SPATA13: variants seen among roughly 807,000 people sequenced by gnomAD.
SPATA13 encodes the protein spermatogenesis associated 13.
Under a neutral mutation model 104.0 loss-of-function variants are expected in SPATA13, and 50 were observed. The ratio of observed to expected loss-of-function variants is 0.48; its 90% CI spans 0.38 to 0.61. SPATA13 has a LOEUF of 0.61. SPATA13 is among the 20% of genes least tolerant of loss of function. The pLI is 0.00. For missense variants in SPATA13, 1,524 were observed against 1,690.6 expected (o/e 0.90, Z 1.73); for synonymous variants, 606 against 667.5 (o/e 0.91, Z 1.42).
In SPATA13 at chr13:24,129,951, G is replaced by A. The variant is rs148819328; in HGVS notation, c.-111-92868G>A. The stretch of plus-strand genomic sequence containing the variant: ...CTTTGGTTGCCTGTACTGCTCCCGG[G>A]TGGAGAAATTCACCTGGGAGTCCCT... On this transcript the variant is annotated intron_variant, in intron 3 of 14. Transcript: ENST00000424834. Among the ~76,000 whole-genome samples the A allele has an allele frequency of 6.5e-3, 990 of 152,318 alleles. 10 individuals carry two copies. Among genetic ancestry groups the A allele is most frequent in the African/African-American group, 0.023 (949 of 41,572 alleles).
chr13:24,174,874 C>G (rs545444869), intron 1 of SPATA13, among the ~76,000 whole-genome samples: 13 of 152,360 alleles, frequency 8.5e-5, no homozygotes, highest in Admixed American at 5.9e-4. Flanking sequence ...CCCCTGCACC[C>G]AGCCTAAAAG....
At chr13:24,229,242 T>C (rs1373723014) in intron 2 of SPATA13, among the ~76,000 whole-genome samples, 1 of 152,158 alleles carries the variant, frequency 6.6e-6, no homozygotes, top group African/African-American at 2.4e-5. Flanking sequence ...GTGGTTCAGG[T>C]AGTGCTAAAT....
At chr13:24,008,567 G>GGAGAGA (rs148859731) in intron 2 of SPATA13, among the ~76,000 whole-genome samples, 4 of 150,684 alleles carry the variant, frequency 2.7e-5, no homozygotes, top group South Asian at 2.1e-4. Flanking sequence ...GAAGGGGAGG[G>GGAGAGA]GAGAGAGAGA....
intron 2 of SPATA13, 198 bp downstream of exon 2, chr13:24,224,780 T>TA: frequency 1.5e-6 from 1 of 668,928 alleles, no homozygotes; most frequent in East Asian, 2.8e-5. Flanking sequence ...TCCTTTGAAA[T>TA]AAATTGACAA....
intron 10 of SPATA13, among the ~76,000 whole-genome samples, chr13:24,295,929 C>T (rs1366537993): frequency 6.6e-6 from 1 of 152,096 alleles, no homozygotes; most frequent in Non-Finnish European, 1.5e-5. Flanking sequence ...GGATTCAAAC[C>T]CAAGCAGGCA....
At chr13:24,275,003 C>T (rs866127694) in intron 4 of SPATA13, among the ~76,000 whole-genome samples, 3 of 152,202 alleles carry the variant, frequency 2.0e-5, no homozygotes, top group Admixed American at 1.3e-4. Flanking sequence ...CCTGTTATCA[C>T]ACCCTCACCA....
intron 1 of SPATA13, among the ~76,000 whole-genome samples, chr13:24,199,263 T>C (rs1031547965): frequency 2.0e-5 from 3 of 152,274 alleles, no homozygotes; most frequent in Middle Eastern, 3.4e-3. Flanking sequence ...GCAATCCATG[T>C]TTGCCAGCCG....
chr13:24,177,100 C>G (rs2138516635), intron 1 of SPATA13, among the ~76,000 whole-genome samples: 1 of 152,250 alleles, frequency 6.6e-6, no homozygotes, highest in East Asian at 1.9e-4. Context: ...CCTCCTTTCT[C>G]TCTAGTACAA....
chr13:24,260,973 G>A (rs756968601), intron 4 of SPATA13, among the ~76,000 whole-genome samples: 1 of 152,184 alleles, frequency 6.6e-6, no homozygotes, highest in Non-Finnish European at 1.5e-5. Flanking sequence ...TAGGCAGCCC[G>A]ATTGCTACAA....
chr13:24,210,168 A>G (rs558913019), intron 1 of SPATA13, among the ~76,000 whole-genome samples: 1 of 152,298 alleles, frequency 6.6e-6, no homozygotes, highest in East Asian at 1.9e-4. Context: ...ATCCTCATCT[A>G]TTATGGGTAT....
At chr13:24,140,768 C>G (rs1237500779) in intron 3 of SPATA13, among the ~76,000 whole-genome samples, 1 of 152,238 alleles carries the variant, frequency 6.6e-6, no homozygotes, top group African/African-American at 2.4e-5. Flanking sequence ...GGTTTTCTAA[C>G]TTCATTAGTG....
chr13:24,180,268 G>C (rs1380188836), intron 1 of SPATA13, among the ~76,000 whole-genome samples: 1 of 152,046 alleles, frequency 6.6e-6, no homozygotes, highest in Non-Finnish European at 1.5e-5. Flanking sequence ...ACCATTGAAT[G>C]GTCTTAGTAT....
chr13:24,215,948 G>C (rs923664200), intron 1 of SPATA13, among the ~76,000 whole-genome samples: 1 of 152,188 alleles, frequency 6.6e-6, no homozygotes, highest in Non-Finnish European at 1.5e-5. Context: ...AGTCCTAACC[G>C]GGAACTTCAT....
chr13:24,159,324 G>C (rs1047669606), upstream of SPATA13, among the ~76,000 whole-genome samples: 3 of 152,024 alleles, frequency 2.0e-5, no homozygotes, highest in South Asian at 6.2e-4. Flanking sequence ...TTAAAACTTG[G>C]GGTAATTTCA....
intron 3 of SPATA13, among the ~76,000 whole-genome samples, chr13:24,138,037 G>A (rs950715983): frequency 2.0e-5 from 3 of 151,828 alleles, no homozygotes; most frequent in East Asian, 1.9e-4. Flanking sequence ...GTAGTGGCTC[G>A]CGCATGTAAT....
At chr13:24,172,282 G>C (rs1883005964) in intron 1 of SPATA13, among the ~76,000 whole-genome samples, 1 of 152,202 alleles carries the variant, frequency 6.6e-6, no homozygotes, top group Non-Finnish European at 1.5e-5. Flanking sequence ...CATGTGGTTT[G>C]CAAATGTTTT....
At chr13:24,007,129 C>A (rs934053965) in intron 2 of SPATA13, among the ~76,000 whole-genome samples, 1 of 152,198 alleles carries the variant, frequency 6.6e-6, no homozygotes, top group Non-Finnish European at 1.5e-5. Flanking sequence ...ACTGTAGTCA[C>A]CTCTGTCAGT....
At chr13:24,139,928 C>T (rs370706754) in intron 3 of SPATA13, among the ~76,000 whole-genome samples, 1 of 152,196 alleles carries the variant, frequency 6.6e-6, no homozygotes, top group Non-Finnish European at 1.5e-5. Context: ...ATTAGCTGGA[C>T]GTGGTGGCGG....
intron 3 of SPATA13, among the ~76,000 whole-genome samples, chr13:24,063,986 C>G (rs578114956): frequency 6.6e-6 from 1 of 152,286 alleles, no homozygotes; most frequent in South Asian, 2.1e-4. Flanking sequence ...TCACCGCCTC[C>G]AGTGGGTGCC....
Sources: allele counts gnomAD v4.1 joint callset (sites outside exome capture counted in the v4.1 genomes callset), GRCh38; gene constraint gnomAD v4.1.1; transcripts MANE v1.5; gene names NCBI Gene and HGNC (gene_info 2026-07-23, HGNC 2026-07-21).